The following NKAIN2 variants were observed in gnomAD, a reference collection of about 807,000 sequenced individuals.
The protein encoded by NKAIN2 is sodium/potassium transporting ATPase interacting 2, also known as sodium/potassium-transporting ATPase subunit beta-1-interacting protein 2.
In NKAIN2, 14 loss-of-function variants were observed where a neutral mutation model predicts 32.6. That is an observed-to-expected ratio of 0.43 (90% CI 0.28 to 0.67). The LOEUF (loss-of-function observed/expected upper bound fraction) is 0.67. NKAIN2 is among the 30% of genes least tolerant of loss of function. The pLI, the probability that NKAIN2 is intolerant of heterozygous loss-of-function variation, is 0.17. For missense variants in NKAIN2, 198 were observed against 258.3 expected (o/e 0.77, Z 1.60); for synonymous variants, 80 against 87.2 (o/e 0.92, Z 0.46).
chr6:124,317,284 T>G (rs1796994950), intron 2 of NKAIN2, among the ~76,000 whole-genome samples: 1 of 152,128 alleles, frequency 6.6e-6, no homozygotes, highest in Non-Finnish European at 1.5e-5. Context: ...TAATTGTAAT[T>G]TTCATATCAA....
intron 3 of NKAIN2, among the ~76,000 whole-genome samples, chr6:124,574,142 G>A (rs1352072015): frequency 4.6e-5 from 7 of 152,134 alleles, no homozygotes; most frequent in Non-Finnish European, 8.8e-5. Context: ...GCAGCTGCAG[G>A]GCAACTGTTT....
At chr6:124,118,025 A>T (rs1179167194) in intron 1 of NKAIN2, among the ~76,000 whole-genome samples, 2 of 152,026 alleles carry the variant, frequency 1.3e-5, no homozygotes, top group Non-Finnish European at 2.9e-5. Context: ...ATTTTTTTCA[A>T]CTGAGGTCTT....
chr6:123,868,359 A>G (rs879282641), intron 1 of NKAIN2, among the ~76,000 whole-genome samples: 1 of 152,208 alleles, frequency 6.6e-6, no homozygotes, highest in Non-Finnish European at 1.5e-5. Flanking sequence ...GCTGGGACAT[A>G]TGTATGCATA....
intron 1 of NKAIN2, among the ~76,000 whole-genome samples, chr6:124,164,242 G>C (rs1361014278): frequency 6.6e-6 from 1 of 151,966 alleles, no homozygotes; most frequent in Non-Finnish European, 1.5e-5. Flanking sequence ...AAAATAGAGA[G>C]CCTAGAGTAA....
In NKAIN2 at chr6:124,147,247, G is replaced by A. The variant is rs117785035; in HGVS notation, c.55-135758G>A. On this transcript the variant is annotated intron_variant, in intron 1 of 6. Transcript: ENST00000368417. ...ATTCATTCAGGATACACTGGAAAGC[G>A]TGACATTCTGATCCATCATTATGAG... Among the ~76,000 whole-genome samples, 1,430 of 152,228 alleles carry A rather than the reference G, an allele frequency of 9.4e-3. 13 individuals carry two copies. Among genetic ancestry groups the A allele is most frequent in the Non-Finnish European group, 0.016 (1,083 of 68,012 alleles).
intron 3 of NKAIN2, among the ~76,000 whole-genome samples, chr6:124,467,556 C>T (rs1776810762): frequency 6.6e-6 from 1 of 152,026 alleles, no homozygotes; most frequent in Admixed American, 6.6e-5. Context: ...ATAAGTTGCT[C>T]TATTTACAAG....
At chr6:124,665,001 G>A (rs1772719866) in intron 4 of NKAIN2, among the ~76,000 whole-genome samples, 1 of 151,904 alleles carries the variant, frequency 6.6e-6, no homozygotes, top group Admixed American at 6.6e-5. Flanking sequence ...AAAGAAAAAT[G>A]TAGTAGGTCC....
chr6:124,443,543 G>A, intron 3 of NKAIN2, among the ~76,000 whole-genome samples: 1 of 151,984 alleles, frequency 6.6e-6, no homozygotes, highest in East Asian at 1.9e-4. Flanking sequence ...TACTGTCATT[G>A]ACCAACATTC....
intron 3 of NKAIN2, among the ~76,000 whole-genome samples, chr6:124,382,058 T>C (rs1216134890): frequency 6.6e-6 from 1 of 152,146 alleles, no homozygotes; most frequent in Non-Finnish European, 1.5e-5. Flanking sequence ...AGATGGTTTT[T>C]AGGAACAGTA....
intron 3 of NKAIN2, among the ~76,000 whole-genome samples, chr6:124,565,842 G>T (rs1027926052): frequency 1.3e-5 from 2 of 152,086 alleles, no homozygotes; most frequent in African/African-American, 4.8e-5. Flanking sequence ...CAGAAGGATG[G>T]GAAGTGTTTC....
At chr6:124,090,301 A>C (rs574689504) in intron 1 of NKAIN2, among the ~76,000 whole-genome samples, 3 of 152,058 alleles carry the variant, frequency 2.0e-5, no homozygotes, top group Non-Finnish European at 4.4e-5. Flanking sequence ...CAGAAAAAGA[A>C]GTCAGATTAT....
At chr6:124,705,302 T>G (rs1192669130) in intron 4 of NKAIN2, among the ~76,000 whole-genome samples, 1 of 152,010 alleles carries the variant, frequency 6.6e-6, no homozygotes, top group African/African-American at 2.4e-5. Context: ...AACAGAATAA[T>G]AAAAATGACT....
chr6:123,888,680 G>A (rs926051245), intron 1 of NKAIN2, among the ~76,000 whole-genome samples: 6 of 151,948 alleles, frequency 3.9e-5, no homozygotes, highest in African/African-American at 1.5e-4. Flanking sequence ...AAAGCAACTG[G>A]TCTTTGTTTT....
chr6:124,654,942 C>T (rs1039401612), intron 3 of NKAIN2, among the ~76,000 whole-genome samples: 1 of 151,986 alleles, frequency 6.6e-6, no homozygotes, highest in South Asian at 2.1e-4. Flanking sequence ...CTTAAGCCAC[C>T]CTATTTGTGG....
At chr6:123,952,535 T>C (rs1055377089) in intron 1 of NKAIN2, among the ~76,000 whole-genome samples, 3 of 152,194 alleles carry the variant, frequency 2.0e-5, no homozygotes, top group Non-Finnish European at 4.4e-5. Context: ...TATTGTTGTT[T>C]TATGGTGTCA....
At chr6:124,705,920 G>C (rs150970037) in intron 4 of NKAIN2, among the ~76,000 whole-genome samples, 2 of 152,186 alleles carry the variant, frequency 1.3e-5, no homozygotes, top group East Asian at 3.9e-4. Context: ...AGAGAATGTA[G>C]ACTTCACCAA....
intron 2 of NKAIN2, among the ~76,000 whole-genome samples, chr6:124,309,446 A>G (rs1348727563): frequency 3.9e-5 from 6 of 152,148 alleles, no homozygotes; most frequent in Admixed American, 6.6e-5. Context: ...AAATGTAATT[A>G]GAACTGTATG....
At chr6:124,638,887 CAAAA>C (rs35802663) in intron 3 of NKAIN2, among the ~76,000 whole-genome samples, 1 of 82,624 alleles carries the variant, frequency 1.2e-5, no homozygotes. Flanking sequence ...GAGACTCTGT[CAAAA>C]AAAAAAAAAA....
chr6:124,533,939 A>T (rs1443044572), intron 3 of NKAIN2, among the ~76,000 whole-genome samples: 1 of 152,038 alleles, frequency 6.6e-6, no homozygotes, highest in Admixed American at 6.6e-5. Context: ...TTATAAAGGC[A>T]CTACTCCCAT....
Sources: allele counts gnomAD v4.1 joint callset (sites outside exome capture counted in the v4.1 genomes callset), GRCh38; gene constraint gnomAD v4.1.1; transcripts MANE v1.5; gene names NCBI Gene and HGNC (gene_info 2026-07-23, HGNC 2026-07-21).